Variants in COL4A6 observed in about 807,000 individuals in gnomAD.
COL4A6 encodes collagen type IV alpha 6 chain, also known as collagen alpha-6(IV) chain.
COL4A6 carries 59 observed loss-of-function variants against 126.7 expected under a neutral mutation model. The ratio of observed to expected loss-of-function variants is 0.47; its 90% confidence interval spans 0.38 to 0.58. The LOEUF is 0.58. Ranked by LOEUF, COL4A6 falls within the 20% of genes least tolerant of loss-of-function variation. The pLI is 0.00. For synonymous variants in COL4A6, 547 were observed against 496.6 expected (o/e 1.10, Z -1.35); for missense variants, 1,285 against 1,337.3 (o/e 0.96, Z 0.61).
intron 2 of COL4A6, among the ~76,000 whole-genome samples, chrX:108,375,896 T>C (rs902435042): frequency 9.0e-6 from 1 of 111,092 alleles, no homozygotes; most frequent in Non-Finnish European, 1.9e-5. Flanking sequence ...CAGGGTATTA[T>C]CTTAAAATGT....
At chrX:108,182,092 T>A (rs186397989) in intron 23 of COL4A6, among the ~76,000 whole-genome samples, 2 of 112,441 alleles carry the variant, frequency 1.8e-5, no homozygotes, top group East Asian at 5.6e-4. Context: ...GGTTAACAAG[T>A]TGGGCTCTGA....
At position 108,161,603 on chromosome X, in the gene COL4A6, T is replaced by C; in HGVS notation, c.4333+16A>G. ...CATCCCCGCCCCGCCCGCCTCCTAATGTGGCATCATCAGACCTTCAAATCC... is the reference window on the plus strand; with the variant it reads ...CATCCCCGCCCCGCCCGCCTCCTAACGTGGCATCATCAGACCTTCAAATCC... On this transcript the variant is annotated intron_variant, in intron 42 of 44. Transcript: ENST00000334504. 3.0e-6 allele frequency: 1 copy of C among 331,074 alleles called. No homozygotes were observed. 27.3% of individuals were successfully genotyped at this position (331,074 alleles called of 1,213,427 possible).
chrX:108,343,165 A>ATATATATAGTGTGTGTGT (rs1377817612), intron 2 of COL4A6, among the ~76,000 whole-genome samples: 3 of 31,412 alleles, frequency 9.6e-5, no homozygotes, highest in East Asian at 1.3e-3. Context: ...ATATATATAT[A>ATATATATAGTGTGTGTGT]GTGTGTGTGT....
chrX:108,205,943 A>T (rs2035534576), intron 9 of COL4A6, among the ~76,000 whole-genome samples: 1 of 111,607 alleles, frequency 9.0e-6, no homozygotes, highest in African/African-American at 3.3e-5. Flanking sequence ...CAGAAATTTT[A>T]AAATGATGAC....
intron 3 of COL4A6, among the ~76,000 whole-genome samples, chrX:108,283,569 TC>T (rs1569405697): frequency 2.0e-5 from 1 of 49,441 alleles, no homozygotes; most frequent in East Asian, 6.3e-4. Context: ...CAGAGGGTGA[TC>T]CCCCTAAGTT....
chrX:108,233,230 G>A (rs1350952728), intron 3 of COL4A6, among the ~76,000 whole-genome samples: 1 of 112,014 alleles, frequency 8.9e-6, no homozygotes, highest in African/African-American at 3.2e-5. Flanking sequence ...ACTTCAGAGC[G>A]ATTTTTGCTG....
intron 2 of COL4A6, among the ~76,000 whole-genome samples, chrX:108,419,977 C>G (rs2041503283): frequency 9.0e-6 from 1 of 111,496 alleles, no homozygotes; most frequent in African/African-American, 3.3e-5. Context: ...TCTGCAGGAG[C>G]AATGGAACAA....
At chrX:108,249,177 G>T in intron 3 of COL4A6, among the ~76,000 whole-genome samples, 1 of 111,014 alleles carries the variant, frequency 9.0e-6, no homozygotes, top group Middle Eastern at 4.7e-3. Flanking sequence ...CCTGGTCTGT[G>T]GTAAAATTGT....
At chrX:108,388,110 C>A (rs923161849) in intron 2 of COL4A6, among the ~76,000 whole-genome samples, 2 of 111,886 alleles carry the variant, frequency 1.8e-5, no homozygotes, top group African/African-American at 6.5e-5. Context: ...CTGCTGTATT[C>A]GGTTTGCCAG....
chrX:108,432,595 G>A (rs1603236699), intron 2 of COL4A6, among the ~76,000 whole-genome samples: 1 of 111,718 alleles, frequency 9.0e-6, no homozygotes, highest in Non-Finnish European at 1.9e-5. Context: ...CAGCACTTTG[G>A]GAGGCCGAGG....
intron 2 of COL4A6, among the ~76,000 whole-genome samples, chrX:108,392,584 C>T (rs1569454078): frequency 8.9e-6 from 1 of 111,749 alleles, no homozygotes. Flanking sequence ...ACTTCACACT[C>T]ATGAGAATGG....
chrX:108,415,540 G>T (rs773622778), intron 2 of COL4A6, among the ~76,000 whole-genome samples: 1 of 111,386 alleles, frequency 9.0e-6, no homozygotes, highest in African/African-American at 3.3e-5. Context: ...CTACAAAATG[G>T]GTATATAATC....
chrX:108,345,945 G>A (rs2039694290), intron 2 of COL4A6, among the ~76,000 whole-genome samples: 1 of 111,481 alleles, frequency 9.0e-6, no homozygotes, highest in African/African-American at 3.3e-5. Context: ...ACTTTTTAAA[G>A]CTCCCCACAT....
chrX:108,221,370 C>A lies in COL4A6; in HGVS notation c.149G>T (p.Arg50Leu). Residue 50 changes from arginine (R) to leucine (L), a missense_variant, in exon 4 of 45, where the codon CGA becomes CTA. Arg to Leu is a moderately radical substitution (Grantham distance 102). Transcript: ENST00000334504. The stretch of plus-strand genomic sequence containing the variant: ...GCCTTGAATTCCAATTGGTCCAGGT[C>A]GTCCCTAAGGTGGACAGAAGGAGTG... Reference protein sequence around the residue: ...QCFPEKGARGRPGPIGIQGPT... With the variant: ...QCFPEKGARGLPGPIGIQGPT... The A allele has an allele frequency of 8.3e-7, 1 of 1,210,612 alleles. No homozygotes were observed. Among genetic ancestry groups the A allele is most frequent in the Non-Finnish European group, 1.1e-6 (1 of 894,879 alleles).
intron 2 of COL4A6, among the ~76,000 whole-genome samples, chrX:108,345,092 C>T (rs144234893): frequency 9.0e-6 from 1 of 111,409 alleles, no homozygotes; most frequent in East Asian, 2.8e-4. Flanking sequence ...TGAATCTCAA[C>T]GTAGGGTTTT....
intron 27 of COL4A6, 72 bp downstream of exon 27, chrX:108,178,612 C>T (rs924093774): frequency 3.8e-6 from 4 of 1,065,485 alleles, no homozygotes; most frequent in African/African-American, 3.7e-5. Flanking sequence ...CTGCTATTGC[C>T]CCCCCAGGGC....
chrX:108,171,414 C>T lies in COL4A6; in HGVS notation c.3250G>A (p.Gly1084Arg). 2 of 1,210,988 alleles carry T rather than the reference C, an allele frequency of 1.7e-6. No individual in the cohort carries two copies. The highest frequency in any genetic ancestry group is 2.2e-6 in the Non-Finnish European group (2 of 895,102). The change falls in exon 33 of 45, where the codon GGA (glycine) becomes AGA (arginine). Residue 1084 changes from glycine to arginine, a missense_variant. Gly to Arg is a moderately radical substitution (Grantham distance 125). Coordinates refer to ENST00000334504, the MANE Select transcript of COL4A6 (RefSeq NM_033641.4). ...TTAAAACCAGATTCGCCAGGCTGTC[C>T]CTTGGGTCCTGGGCTACCGGAAATT... Reference protein sequence around the residue: ...VEISGSPGPKGQPGESGFKGT... With the variant: ...VEISGSPGPKRQPGESGFKGT...
At chrX:108,346,135 G>A (rs1203042195) in intron 2 of COL4A6, among the ~76,000 whole-genome samples, 1 of 111,384 alleles carries the variant, frequency 9.0e-6, no homozygotes, top group Non-Finnish European at 1.9e-5. Context: ...CTTGCCACCT[G>A]GAGCCATGTG....
intron 23 of COL4A6, among the ~76,000 whole-genome samples, chrX:108,181,735 G>A (rs1175753723): frequency 8.9e-6 from 1 of 111,783 alleles, no homozygotes; most frequent in African/African-American, 3.3e-5. Flanking sequence ...CATTCATAAT[G>A]CAAATAAAAA....
Sources: gnomAD v4.1 joint callset for allele counts (sites outside exome capture counted in the v4.1 genomes callset) on GRCh38, gnomAD v4.1.1 for gene constraint, MANE v1.5 for transcripts, NCBI Gene and HGNC (gene_info 2026-07-23, HGNC 2026-07-21) for gene names.